The following RAB11B variants were observed in gnomAD, a reference collection of about 807,000 sequenced individuals.
The protein encoded by RAB11B is ras-related protein Rab-11B.
In RAB11B, 7 loss-of-function variants were observed where a neutral mutation model predicts 23.7. The observed-to-expected ratio is 0.29, with a 90% CI of 0.17 to 0.55. The LOEUF (loss-of-function observed/expected upper bound fraction) is 0.55. RAB11B is among the 20% of genes least tolerant of loss of function. The pLI is 0.93. For synonymous variants in RAB11B, 138 were observed against 132.0 expected, an observed-to-expected ratio of 1.05 and a Z score of -0.31; for missense variants, 189 against 320.0, an observed-to-expected ratio of 0.59 and a Z score of 3.12.
intron 1 of RAB11B, among the ~76,000 whole-genome samples, chr19:8,394,374 C>G (rs1381504901): frequency 6.6e-6 from 1 of 152,068 alleles, no homozygotes; most frequent in Non-Finnish European, 1.5e-5. Context: ...AGGCTGGTCT[C>G]GAACTCCTGA....
intron 1 of RAB11B, 54 bp downstream of exon 1, chr19:8,390,510 G>T (rs1286402227): frequency 2.0e-6 from 3 of 1,464,288 alleles, no homozygotes; most frequent in Non-Finnish European, 2.7e-6. Context: ...GCGGCGGGCA[G>T]ACGGGCCAAG....
intron 1 of RAB11B, among the ~76,000 whole-genome samples, chr19:8,392,483 C>T (rs1971363703): frequency 1.3e-5 from 2 of 151,942 alleles, no homozygotes; most frequent in East Asian, 1.9e-4. Context: ...GGTGCCTGCC[C>T]TGCTGCCCTC....
chr19:8,398,001 G>C (rs1394316517), intron 1 of RAB11B, among the ~76,000 whole-genome samples: 5 of 152,124 alleles, frequency 3.3e-5, no homozygotes, highest in Admixed American at 3.3e-4. Context: ...TGGGGCGTCT[G>C]GTTGGCTGTA....
Position 8,402,078 on chromosome 19 carries a change from C to CTA in RAB11B, c.237-8_237-7insTA. 1 of 1,578,824 alleles carries CTA rather than the reference C, an allele frequency of 6.3e-7. No homozygotes were observed. Among genetic ancestry groups the CTA allele is most frequent in the Non-Finnish European group, 8.6e-7 (1 of 1,161,508 alleles). On this transcript the variant is annotated splice_polypyrimidine_tract_variant and splice_region_variant and intron_variant, in intron 2 of 4. Coordinates refer to ENST00000328024, the MANE Select transcript of RAB11B (RefSeq NM_004218.4). ...TCCAGAGAGGCTCATGGGCCCCTGACCCTGCAGGTACTACCGTGGTGCAGT... is the reference window on the plus strand; with the variant it reads ...TCCAGAGAGGCTCATGGGCCCCTGACTACCTGCAGGTACTACCGTGGTGCAGT...
At chr19:8,400,529 C>G (rs1490296505) in intron 2 of RAB11B, among the ~76,000 whole-genome samples, 1 of 152,178 alleles carries the variant, frequency 6.6e-6, no homozygotes, top group Non-Finnish European at 1.5e-5. Context: ...TTGAGATCCT[C>G]TGGGCTCCCT....
At chr19:8,398,326 C>T (rs540419899) in intron 1 of RAB11B, among the ~76,000 whole-genome samples, 29 of 152,360 alleles carry the variant, frequency 1.9e-4, no homozygotes, top group Middle Eastern at 6.8e-3. Flanking sequence ...GTTCTGTCCA[C>T]GCTGCGCTGA....
At chr19:8,402,037 C>A in intron 2 of RAB11B, 49 bp from the exon 3 acceptor site, 1 of 1,504,240 alleles carries the variant, frequency 6.6e-7, no homozygotes. Flanking sequence ...GAGGCTGCCG[C>A]TGCCCATGGT....
intron 2 of RAB11B, among the ~76,000 whole-genome samples, chr19:8,401,540 C>T (rs1196975372): frequency 1.3e-5 from 2 of 151,806 alleles, no homozygotes; most frequent in African/African-American, 4.8e-5. Context: ...GCGCCTGCCA[C>T]CACGCCTGGC....
At chr19:8,395,585 T>TG (rs1160356007) in intron 1 of RAB11B, among the ~76,000 whole-genome samples, 1 of 152,198 alleles carries the variant, frequency 6.6e-6, no homozygotes, top group Non-Finnish European at 1.5e-5. Flanking sequence ...GAAGTCCACT[T>TG]GGTAGCCCTG....
At position 8,390,708 on chromosome 19, in the gene RAB11B, G is replaced by A. The variant is rs112981054; in HGVS notation, c.40+252G>A. On this transcript the variant is annotated intron_variant, in intron 1 of 4. Coordinates refer to ENST00000328024, the MANE Select transcript of RAB11B (RefSeq NM_004218.4). The stretch of plus-strand genomic sequence containing the variant: ...CGCCGGGGCGGGGCCAGAGCCTAGA[G>A]GGGGTGGGGCCCGGAGCGGTGGGAG... 3,291 of 377,826 alleles carry A rather than the reference G, an allele frequency of 8.7e-3. 103 individuals carry two copies. The highest frequency in any genetic ancestry group is 0.059 in the African/African-American group (2,782 of 47,518). 23.4% of individuals were successfully genotyped at this position (377,826 alleles called of 1,614,324 possible). A position where few individuals can be genotyped will look rare whatever the true frequency, so the allele number is the denominator to read the frequency against.
At position 8,402,580 on chromosome 19, in the gene RAB11B, G is replaced by T. The variant is rs542461885; in HGVS notation, c.511+15G>T. 4.4e-6 allele frequency: 7 copies of T among 1,598,196 alleles called. No individual in the cohort carries two copies. Among genetic ancestry groups the T allele is most frequent in the Non-Finnish European group, 6.0e-6 (7 of 1,165,734 alleles). Reference sequence around the variant, plus strand: ...CATCCTCACAGGTGGCCGGGGACCAGATGGGTGTGGGTAGGGCACCAGCCA... The same window carrying T: ...CATCCTCACAGGTGGCCGGGGACCATATGGGTGTGGGTAGGGCACCAGCCA... On this transcript the variant is annotated intron_variant, in intron 4 of 4. Transcript: ENST00000328024.
intron 1 of RAB11B, among the ~76,000 whole-genome samples, chr19:8,391,965 G>A (rs764818287): frequency 6.6e-6 from 1 of 152,148 alleles, no homozygotes; most frequent in South Asian, 2.1e-4. Context: ...GAGGCTCTGT[G>A]GTCAGCAGGT....
chr19:8,400,603 T>C (rs1279274333), intron 2 of RAB11B, among the ~76,000 whole-genome samples: 2 of 134,616 alleles, frequency 1.5e-5, no homozygotes, highest in Non-Finnish European at 3.2e-5. Context: ...TTTTTTTTTT[T>C]GAGATGGAGT....
At position 8,396,710 on chromosome 19, in the gene RAB11B, G is replaced by A. The variant is rs185242990; in HGVS notation, c.41-3153G>A. ...CTGTGTGGCTGGAGCAGAGTGAGCCGGGGGGGGGGCGGGAGGGAGGAGGGG... is the reference window on the plus strand; with the variant it reads ...CTGTGTGGCTGGAGCAGAGTGAGCCAGGGGGGGGGCGGGAGGGAGGAGGGG... On this transcript the variant is annotated intron_variant, in intron 1 of 4. Transcript: ENST00000328024. This position sits in a 1 kb window ranked among gnomAD's most constrained non-coding sequence, Gnocchi z 5.0. 5.4e-5 allele frequency among the ~76,000 whole-genome samples: 6 copies of A among 111,612 alleles called. No individual in the cohort carries two copies. The East Asian group carries it at 6.7e-4, about 13-fold the overall frequency. The allele number at this position is 111,612 out of a possible 152,430, so 73.2% of individuals were successfully genotyped here.
At chr19:8,400,283 T>C in intron 2 of RAB11B, 2 of 607,054 alleles carry the variant, frequency 3.3e-6, no homozygotes, top group Non-Finnish European at 5.8e-6. Flanking sequence ...CCAAGTGCAG[T>C]GAGGACCTAG....
chr19:8,397,327 C>T (rs1971404809), intron 1 of RAB11B, among the ~76,000 whole-genome samples: 1 of 152,082 alleles, frequency 6.6e-6, no homozygotes, highest in South Asian at 2.1e-4. Context: ...TGGATGGGGT[C>T]ACCTGGGGAC....
chr19:8,401,282 G>T (rs1490136534), intron 2 of RAB11B, among the ~76,000 whole-genome samples: 1 of 147,506 alleles, frequency 6.8e-6, no homozygotes, highest in Non-Finnish European at 1.5e-5. Context: ...GGGTTTCACC[G>T]CATTAGCCAG....
In RAB11B at chr19:8,396,044, C is replaced by T. The variant is rs577338483; in HGVS notation, c.41-3819C>T. On this transcript the variant is annotated intron_variant, in intron 1 of 4. Transcript: ENST00000328024. This position sits in a 1 kb window ranked among gnomAD's most constrained non-coding sequence, Gnocchi z 5.0. ...CTGCTCTGCCCCGCACCCCGTTCCC[C>T]ATCCAAGCCTCAGTTTCCTCATCTG... 6.6e-6 allele frequency among the ~76,000 whole-genome samples: 1 copy of T among 152,234 alleles called. No individual in the cohort carries two copies. The highest frequency in any genetic ancestry group is 1.5e-5 in the Non-Finnish European group (1 of 68,038).
chr19:8,391,126 A>G (rs1352436602), intron 1 of RAB11B, among the ~76,000 whole-genome samples: 2 of 152,192 alleles, frequency 1.3e-5, no homozygotes, highest in East Asian at 3.9e-4. Context: ...CTAAGCCAGT[A>G]CTTGCACTTT....
Sources: allele counts gnomAD v4.1 joint callset (sites outside exome capture counted in the v4.1 genomes callset), GRCh38; gene constraint gnomAD v4.1.1; non-coding constraint Gnocchi (gnomAD v3.1); transcripts MANE v1.5; gene names NCBI Gene and HGNC (gene_info 2026-07-23, HGNC 2026-07-21).